The following SHANK2 variants were observed in gnomAD, a reference collection of about 807,000 sequenced individuals.
SHANK2 encodes the protein SH3 and multiple ankyrin repeat domains protein 2.
In SHANK2, 43 loss-of-function variants were observed where a neutral mutation model predicts 133.7. The ratio of observed to expected loss-of-function variants is 0.32; its 90% CI spans 0.25 to 0.41. The LOEUF is 0.41. Ranked by LOEUF, SHANK2 falls within the 10% of genes least tolerant of loss-of-function variation. SHANK2 has a pLI of 1.00. For missense variants in SHANK2, 1,994 were observed against 2,235.8 expected (o/e 0.89, Z 2.18); for synonymous variants, 1,017 against 952.8 (o/e 1.07, Z -1.24).
chr11:70,932,642 C>T (rs959576014), intron 10 of SHANK2, among the ~76,000 whole-genome samples: 15 of 152,214 alleles, frequency 9.9e-5, no homozygotes, highest in African/African-American at 3.6e-4. Flanking sequence ...AAAGCAAATG[C>T]CAGGGTACCT....
Position 71,175,556 on chromosome 11 carries a change from GAGAGAGAGAGAGAGA to G in SHANK2, c.-12-28233_-12-28219del, listed in dbSNP as rs1953421022. 2.0e-4 allele frequency among the ~76,000 whole-genome samples: 12 copies of G among 58,584 alleles called. No homozygotes were observed. Among genetic ancestry groups the G allele is most frequent in the South Asian group, 5.9e-4 (1 of 1,686 alleles). 38.4% of individuals were successfully genotyped at this position (58,584 alleles called of 152,430 possible). A position where few individuals can be genotyped will look rare whatever the true frequency, so the allele number is the denominator to read the frequency against. On this transcript the variant is annotated intron_variant, in intron 2 of 25. Coordinates refer to ENST00000601538, the MANE Select transcript of SHANK2 (RefSeq NM_012309.5). The surrounding 1 kb of genome is among the most constrained non-coding windows in gnomAD (Gnocchi z 4.2). ...AGACAGAGGGAGAGGGAGAGGGAGA[GAGAGAGAGAGAGAGA>G]GAGAGAGAGAGAGAGAGAGAGAGAG...
intron 17 of SHANK2, among the ~76,000 whole-genome samples, chr11:70,571,070 A>G (rs2060039499): frequency 6.6e-6 from 1 of 151,982 alleles, no homozygotes; most frequent in Non-Finnish European, 1.5e-5. Context: ...CTGGAGGCGG[A>G]TTCTAGGGAA....
intron 2 of SHANK2, among the ~76,000 whole-genome samples, chr11:71,201,507 C>T (rs891948412): frequency 5.9e-5 from 9 of 152,342 alleles, no homozygotes; most frequent in Non-Finnish European, 1.3e-4. Context: ...TGGCCACAGA[C>T]GGCGGTCACT....
intron 14 of SHANK2, among the ~76,000 whole-genome samples, chr11:70,738,533 A>G (rs1384946465): frequency 2.0e-5 from 3 of 152,204 alleles, no homozygotes; most frequent in African/African-American, 7.2e-5. Context: ...ATTGCAGGGA[A>G]GTCCCCGGAA....
At chr11:70,672,309 C>T (rs1218310118) in intron 15 of SHANK2, among the ~76,000 whole-genome samples, 1 of 152,186 alleles carries the variant, frequency 6.6e-6, no homozygotes, top group Non-Finnish European at 1.5e-5. Context: ...AGTGATCCAC[C>T]TGCCTCGGCC....
chr11:70,917,201 G>C (rs1264026618), intron 10 of SHANK2, among the ~76,000 whole-genome samples: 3 of 152,152 alleles, frequency 2.0e-5, no homozygotes, highest in Non-Finnish European at 2.9e-5. Context: ...AGTGGGCAAA[G>C]GACATCAGCA....
At chr11:71,155,339 G>A (rs1234440398) in intron 2 of SHANK2, among the ~76,000 whole-genome samples, 3 of 106,874 alleles carry the variant, frequency 2.8e-5, no homozygotes, top group South Asian at 3.6e-4. Context: ...CCCAGCCCAC[G>A]CTCCCAGAGA....
At chr11:70,523,214 G>C (rs1326244311) in intron 17 of SHANK2, among the ~76,000 whole-genome samples, 1 of 152,230 alleles carries the variant, frequency 6.6e-6, no homozygotes, top group Non-Finnish European at 1.5e-5. Flanking sequence ...TCTCTGTCCA[G>C]AGCACCAGGA....
At chr11:70,915,231 C>T (rs1402121852) in intron 10 of SHANK2, among the ~76,000 whole-genome samples, 1 of 152,158 alleles carries the variant, frequency 6.6e-6, no homozygotes, top group Admixed American at 6.5e-5. Context: ...AGACACTTTG[C>T]TGCCACTGGG....
intron 11 of SHANK2, among the ~76,000 whole-genome samples, chr11:70,888,142 C>A (rs947731970): frequency 6.6e-6 from 1 of 151,644 alleles, no homozygotes; most frequent in Non-Finnish European, 1.5e-5. Flanking sequence ...ACCCAAGAGG[C>A]CAGGAACGGA....
chr11:70,801,607 C>A (rs1565325934), intron 13 of SHANK2, among the ~76,000 whole-genome samples: 1 of 152,184 alleles, frequency 6.6e-6, no homozygotes. Context: ...AAAGACTCCA[C>A]ACCCTGGGTA....
chr11:70,896,913 G>C (rs1034453028), intron 10 of SHANK2, among the ~76,000 whole-genome samples: 3 of 152,110 alleles, frequency 2.0e-5, no homozygotes, highest in African/African-American at 7.2e-5. Context: ...GTGTACCCAC[G>C]GGGCTTGATT....
intron 17 of SHANK2, among the ~76,000 whole-genome samples, chr11:70,596,591 G>C (rs1361014132): frequency 1.3e-5 from 2 of 152,258 alleles, no homozygotes; most frequent in African/African-American, 4.8e-5. Context: ...CCTGATGCGG[G>C]GGGGCGGCAG....
chr11:70,908,432 A>C (rs1328222358), intron 10 of SHANK2, among the ~76,000 whole-genome samples: 1 of 152,204 alleles, frequency 6.6e-6, no homozygotes, highest in Admixed American at 6.5e-5. Context: ...CAAGCTGCCA[A>C]GGAGGGAAAC....
chr11:70,861,620 T>G lies in SHANK2; in HGVS notation c.1174+34881A>C, dbSNP rs548607251. Among the ~76,000 whole-genome samples, 19 of 152,306 alleles carry G rather than the reference T, an allele frequency of 1.2e-4. No homozygotes were observed. The East Asian group carries it at 3.7e-3, about 29-fold the overall frequency. ...CAGAGTTAATTGCACTGAGTTGGCCTCCTCTACGAGCCAGTTAACTCTGTA... is the reference window on the plus strand; with the variant it reads ...CAGAGTTAATTGCACTGAGTTGGCCGCCTCTACGAGCCAGTTAACTCTGTA... On this transcript the variant is annotated intron_variant, in intron 11 of 25. Transcript: ENST00000601538.
intron 2 of SHANK2, among the ~76,000 whole-genome samples, chr11:71,222,711 G>A (rs146160124): frequency 1.3e-5 from 2 of 152,360 alleles, no homozygotes; most frequent in East Asian, 1.9e-4. Context: ...GCAGGGACAC[G>A]TGCTCCTTCC....
chr11:70,641,798 A>T (rs1555006468), intron 17 of SHANK2, among the ~76,000 whole-genome samples: 1 of 152,184 alleles, frequency 6.6e-6, no homozygotes. Context: ...CATTGCGGGC[A>T]CGGACACACA....
rs146196574 is a variant in SHANK2, at chr11:71,153,753, G to A, written c.-12-6415C>T. On this transcript the variant is annotated intron_variant, in intron 2 of 25. Transcript: ENST00000601538. ...AGGCCAAGGTGGGTGGATCACCTGA[G>A]GTCACTCAGGAGTTTGAGACCAGCC... Among the ~76,000 whole-genome samples the A allele has an allele frequency of 3.3e-5, 5 of 152,288 alleles. No homozygotes were observed. The East Asian group carries it at 9.7e-4, about 29-fold the overall frequency.
At chr11:70,825,808 G>A (rs1948628901) in intron 11 of SHANK2, among the ~76,000 whole-genome samples, 1 of 151,628 alleles carries the variant, frequency 6.6e-6, no homozygotes, top group Non-Finnish European at 1.5e-5. Context: ...AAAAATAACT[G>A]TTTTCTGTCT....
Sources: gnomAD v4.1 joint callset for allele counts (sites outside exome capture counted in the v4.1 genomes callset) on GRCh38, gnomAD v4.1.1 for gene constraint, Gnocchi (gnomAD v3.1) non-coding constraint, MANE v1.5 for transcripts, NCBI Gene and HGNC (gene_info 2026-07-23, HGNC 2026-07-21) for gene names.